The following PDLIM5 variants were observed in gnomAD, a reference collection of about 807,000 sequenced individuals.
The protein encoded by PDLIM5 is PDZ and LIM domain 5, also known as PDZ and LIM domain protein 5.
PDLIM5 carries 34 observed loss-of-function variants against 64.2 expected under a neutral mutation model. That is an observed-to-expected ratio of 0.53 (90% CI 0.40 to 0.71). The LOEUF is 0.71. PDLIM5 is among the 30% of genes least tolerant of loss of function. PDLIM5 has a pLI of 0.00. For synonymous variants in PDLIM5, 253 were observed against 269.1 expected, an observed-to-expected ratio of 0.94 and a Z score of 0.59; for missense variants, 683 against 733.6, an observed-to-expected ratio of 0.93 and a Z score of 0.80.
chr4:94,551,195 C>G (rs1019092192), intron 3 of PDLIM5, among the ~76,000 whole-genome samples: 15 of 152,082 alleles, frequency 9.9e-5, no homozygotes, highest in African/African-American at 3.6e-4. Context: ...CTGGTTCTAA[C>G]TCAGTTAAAT....
chr4:94,503,137 T>C (rs1406476887), intron 2 of PDLIM5, among the ~76,000 whole-genome samples: 1 of 152,200 alleles, frequency 6.6e-6, no homozygotes, highest in Non-Finnish European at 1.5e-5. Context: ...TTACTTAAAT[T>C]ATTTCCCATG....
At chr4:94,539,442 C>G (rs1311597834) in intron 3 of PDLIM5, among the ~76,000 whole-genome samples, 1 of 152,144 alleles carries the variant, frequency 6.6e-6, no homozygotes, top group Admixed American at 6.5e-5. Context: ...AAAACACTGT[C>G]TTTTCCTCAT....
rs1743128056 is a variant in PDLIM5 at position 94,667,402 on chromosome 4, A to G, written c.*3335A>G. The G allele has an allele frequency of 6.6e-6, 1 of 152,230 alleles. No individual in the cohort carries two copies. The highest frequency in any genetic ancestry group is 1.5e-5 in the Non-Finnish European group (1 of 68,042). 9.4% of individuals were successfully genotyped at this position (152,230 alleles called of 1,614,324 possible). A position where few individuals can be genotyped will look rare whatever the true frequency, so the allele number is the denominator to read the frequency against. ...ATGGATGGTTGCGCCTTTGCTGAAC[A>G]TGTACAAACTTTTTTTTGTCATTAA... On this transcript the variant is annotated 3_prime_UTR_variant, in exon 13 of 13. Coordinates refer to ENST00000317968, the MANE Select transcript of PDLIM5 (RefSeq NM_006457.5).
chr4:94,661,977 C>T (rs1742760854), intron 11 of PDLIM5, among the ~76,000 whole-genome samples: 1 of 152,196 alleles, frequency 6.6e-6, no homozygotes, highest in East Asian at 1.9e-4. Context: ...TGCGCCACCA[C>T]GCCCAGCTAA....
At chr4:94,574,515 A>C (rs549426980) in intron 4 of PDLIM5, among the ~76,000 whole-genome samples, 3 of 151,112 alleles carry the variant, frequency 2.0e-5, no homozygotes, top group East Asian at 3.9e-4. Context: ...AAAAAAAAAA[A>C]CAAGATGAAT....
chr4:94,563,634 G>C (rs943895888), intron 3 of PDLIM5, among the ~76,000 whole-genome samples: 2 of 152,106 alleles, frequency 1.3e-5, no homozygotes, highest in South Asian at 2.1e-4. Context: ...AATTTAACAC[G>C]TTTAGCCTGG....
chr4:94,455,872 C>T, intron 2 of PDLIM5: 1 of 1,395,286 alleles, frequency 7.2e-7, no homozygotes, highest in African/African-American at 1.4e-5. Flanking sequence ...AAGCTACTTA[C>T]CCTTGAAGAG....
intron 3 of PDLIM5, among the ~76,000 whole-genome samples, chr4:94,556,002 C>T (rs1733269892): frequency 6.6e-6 from 1 of 151,776 alleles, no homozygotes; most frequent in African/African-American, 2.4e-5. Flanking sequence ...GTGTGCTGCA[C>T]CCATTAACTC....
At chr4:94,594,244 G>T (rs897046942) in intron 7 of PDLIM5, among the ~76,000 whole-genome samples, 1 of 152,044 alleles carries the variant, frequency 6.6e-6, no homozygotes, top group African/African-American at 2.4e-5. Flanking sequence ...ATTAGTGAAA[G>T]ACTTTTTTTC....
chr4:94,515,361 T>C (rs114617717), intron 2 of PDLIM5, among the ~76,000 whole-genome samples: 1,758 of 152,338 alleles, frequency 0.012, 32 homozygotes, highest in African/African-American at 0.041. Context: ...AGCGAATCCC[T>C]GTTTTTATAA....
intron 2 of PDLIM5, among the ~76,000 whole-genome samples, chr4:94,495,178 A>G (rs1283188959): frequency 6.6e-6 from 1 of 152,162 alleles, no homozygotes; most frequent in Non-Finnish European, 1.5e-5. Flanking sequence ...ATTCTACAGT[A>G]TATCTTTCAT....
intron 2 of PDLIM5, among the ~76,000 whole-genome samples, chr4:94,481,826 G>T (rs1046798739): frequency 2.0e-5 from 3 of 151,786 alleles, no homozygotes; most frequent in Non-Finnish European, 2.9e-5. Flanking sequence ...AGCCAGGATG[G>T]TCTTGATCTC....
At chr4:94,485,845 G>A (rs371216307) in intron 2 of PDLIM5, among the ~76,000 whole-genome samples, 4 of 109,574 alleles carry the variant, frequency 3.7e-5, no homozygotes, top group Non-Finnish European at 5.5e-5. Context: ...GTGAGACTCC[G>A]TCTCAAAAAA....
chr4:94,529,288 G>C (rs1730646165), intron 3 of PDLIM5, among the ~76,000 whole-genome samples: 1 of 152,150 alleles, frequency 6.6e-6, no homozygotes, highest in Non-Finnish European at 1.5e-5. Context: ...TTTCCTGCTA[G>C]CACTGTAGAA....
At chr4:94,520,948 T>G (rs758876497) in intron 2 of PDLIM5, among the ~76,000 whole-genome samples, 1 of 152,212 alleles carries the variant, frequency 6.6e-6, no homozygotes, top group Non-Finnish European at 1.5e-5. Context: ...TGAGAAAGAA[T>G]TAAGATTCAG....
chr4:94,550,070 A>G (rs1424758406), intron 3 of PDLIM5: 4 of 152,096 alleles, frequency 2.6e-5, no homozygotes, highest in Non-Finnish European at 4.4e-5. Flanking sequence ...ACATAAACAC[A>G]TATATTAAAT....
intron 8 of PDLIM5, among the ~76,000 whole-genome samples, chr4:94,627,131 C>T (rs536848690): frequency 6.6e-6 from 1 of 152,242 alleles, no homozygotes; most frequent in African/African-American, 2.4e-5. Flanking sequence ...CATCTGCTCC[C>T]CTGCATTTTG....
chr4:94,629,504 A>G (rs760909674), intron 8 of PDLIM5, among the ~76,000 whole-genome samples: 3 of 152,182 alleles, frequency 2.0e-5, no homozygotes, highest in Admixed American at 6.5e-5. Context: ...GAAGTTTTCT[A>G]TATAAGATCA....
At chr4:94,612,594 C>G (rs1386918447) in intron 7 of PDLIM5, among the ~76,000 whole-genome samples, 1 of 152,138 alleles carries the variant, frequency 6.6e-6, no homozygotes, top group Non-Finnish European at 1.5e-5. Flanking sequence ...CTATCTATGG[C>G]CCCACCTCTA....
Sources: allele counts gnomAD v4.1 joint callset (sites outside exome capture counted in the v4.1 genomes callset), GRCh38; gene constraint gnomAD v4.1.1; transcripts MANE v1.5; gene names NCBI Gene and HGNC (gene_info 2026-07-23, HGNC 2026-07-21).